PLCL1: variants seen among roughly 807,000 people sequenced by gnomAD.
The protein encoded by PLCL1 is inactive phospholipase C-like protein 1.
A neutral mutation model predicts 84.4 loss-of-function variants in PLCL1; 41 were observed. The observed-to-expected ratio is 0.49, with a 90% CI of 0.38 to 0.63. PLCL1 has a LOEUF of 0.63. PLCL1 is among the 30% of genes least tolerant of loss of function. PLCL1 has a pLI of 0.00. For synonymous variants in PLCL1, 490 were observed against 488.3 expected, an observed-to-expected ratio of 1.00 and a Z score of -0.05; for missense variants, 1,206 against 1,367.8, an observed-to-expected ratio of 0.88 and a Z score of 1.87.
At chr2:198,113,133 A>C (rs1574321656) in intron 5 of PLCL1, among the ~76,000 whole-genome samples, 1 of 151,942 alleles carries the variant, frequency 6.6e-6, no homozygotes, top group Admixed American at 6.6e-5. Context: ...TCCTAGACAC[A>C]TTTGTAGAAT....
rs555884150 is a variant in PLCL1, at chr2:198,144,694, C to T, written c.3106-2086C>T. Among the ~76,000 whole-genome samples, 482 of 152,304 alleles carry T rather than the reference C, an allele frequency of 3.2e-3. 2 individuals carry two copies. The highest frequency in any genetic ancestry group is 3.6e-3 in the Admixed American group (55 of 15,300). On this transcript the variant is annotated intron_variant, in intron 5 of 5. Coordinates refer to ENST00000428675, the MANE Select transcript of PLCL1 (RefSeq NM_006226.4). ...AATTGGTTGAAGATGCTCCAACCCT[C>T]GTCCCTGCTAGTGTGTTCTTGCTCT... is the stretch of plus-strand genomic sequence containing the variant.
intron 1 of PLCL1, among the ~76,000 whole-genome samples, chr2:197,915,473 G>A (rs1364712010): frequency 1.3e-5 from 2 of 151,548 alleles, no homozygotes; most frequent in Admixed American, 6.6e-5. Context: ...GATAAAAGGA[G>A]GGTTTTTTTT....
chr2:198,090,376 T>C (rs1189562028), intron 3 of PLCL1, among the ~76,000 whole-genome samples: 1 of 151,372 alleles, frequency 6.6e-6, no homozygotes, highest in South Asian at 2.1e-4. Context: ...TATTTTCTTA[T>C]TTATGCTTTT....
intron 1 of PLCL1, among the ~76,000 whole-genome samples, chr2:197,977,968 A>G (rs543467061): frequency 6.6e-6 from 1 of 152,094 alleles, no homozygotes; most frequent in Non-Finnish European, 1.5e-5. Context: ...TTAAGGTCTA[A>G]CTCCGGTGGC....
intron 3 of PLCL1, among the ~76,000 whole-genome samples, chr2:198,094,071 T>G (rs1246593935): frequency 6.6e-6 from 1 of 152,160 alleles, no homozygotes; most frequent in Non-Finnish European, 1.5e-5. Flanking sequence ...TCTCTCTCTT[T>G]TTGTTTTGGA....
intron 1 of PLCL1, among the ~76,000 whole-genome samples, chr2:197,985,955 T>C (rs1309617681): frequency 6.6e-6 from 1 of 152,188 alleles, no homozygotes; most frequent in East Asian, 1.9e-4. Context: ...AGTGGTGAGA[T>C]CCTCTGGAAT....
At chr2:198,067,012 A>G (rs1452400201) in intron 1 of PLCL1, among the ~76,000 whole-genome samples, 1 of 152,120 alleles carries the variant, frequency 6.6e-6, no homozygotes, top group Non-Finnish European at 1.5e-5. Context: ...TATGCACTAT[A>G]TATCCAGCTC....
intron 1 of PLCL1, among the ~76,000 whole-genome samples, chr2:197,979,385 T>C (rs1574980644): frequency 6.6e-6 from 1 of 152,208 alleles, no homozygotes; most frequent in East Asian, 1.9e-4. Flanking sequence ...CAGTTGTTGC[T>C]AACGTAGTTC....
At chr2:197,963,043 A>G (rs975914568) in intron 1 of PLCL1, among the ~76,000 whole-genome samples, 6 of 152,044 alleles carry the variant, frequency 3.9e-5, no homozygotes, top group Non-Finnish European at 7.4e-5. Context: ...ACATGGGAGT[A>G]CAGATATCTC....
intron 1 of PLCL1, among the ~76,000 whole-genome samples, chr2:197,984,781 T>A (rs1236621696): frequency 1.3e-5 from 2 of 152,230 alleles, no homozygotes; most frequent in Non-Finnish European, 2.9e-5. Flanking sequence ...GGCCTGTTAT[T>A]ACTTCGTTGG....
intron 5 of PLCL1, among the ~76,000 whole-genome samples, chr2:198,139,008 A>T (rs1309383073): frequency 1.3e-5 from 2 of 152,098 alleles, no homozygotes; most frequent in Non-Finnish European, 2.9e-5. Flanking sequence ...ATACAAAATC[A>T]ACTGGGTCTG....
chr2:197,845,780 C>T (rs1271212488), intron 1 of PLCL1, among the ~76,000 whole-genome samples: 1 of 152,026 alleles, frequency 6.6e-6, no homozygotes, highest in African/African-American at 2.4e-5. Flanking sequence ...AAGGATTCCC[C>T]CCAAATGTAA....
chr2:197,825,845 C>T lies in PLCL1; in HGVS notation c.240+20506C>T, dbSNP rs143137955. On this transcript the variant is annotated intron_variant, in intron 1 of 5. Transcript: ENST00000428675. ...AATGGGAATTTTAATGCCTATCCCACAAGTTTGCCATAAGGCTTGCAGGTG... is the reference window on the plus strand; with the variant it reads ...AATGGGAATTTTAATGCCTATCCCATAAGTTTGCCATAAGGCTTGCAGGTG... 2.0e-3 allele frequency among the ~76,000 whole-genome samples: 308 copies of T among 152,326 alleles called. 2 individuals carry two copies. Among genetic ancestry groups the T allele is most frequent in the African/African-American group, 7.1e-3 (297 of 41,576 alleles).
At chr2:197,817,628 G>C (rs1398563018) in intron 1 of PLCL1, among the ~76,000 whole-genome samples, 2 of 152,050 alleles carry the variant, frequency 1.3e-5, no homozygotes, top group African/African-American at 2.4e-5. Flanking sequence ...TGGGAAGATG[G>C]TCTTTATCCA....
intron 1 of PLCL1, among the ~76,000 whole-genome samples, chr2:197,964,328 C>A (rs1689685194): frequency 6.6e-6 from 1 of 151,726 alleles, no homozygotes; most frequent in African/African-American, 2.4e-5. Context: ...TTGGTTAATT[C>A]CTGGGTATTT....
rs149661021 is a variant in PLCL1, at chr2:198,108,817, C to A, written c.3105+4881C>A. On this transcript the variant is annotated intron_variant, in intron 5 of 5. Coordinates refer to ENST00000428675, the MANE Select transcript of PLCL1 (RefSeq NM_006226.4). Reference sequence around the variant, plus strand: ...CAGTATAGGGACTTGTTTAGCGTATCTTTTGCATTTTTCCATACTTTTGCC... The same window carrying A: ...CAGTATAGGGACTTGTTTAGCGTATATTTTGCATTTTTCCATACTTTTGCC... Among the ~76,000 whole-genome samples the A allele has an allele frequency of 1.1e-3, 172 of 152,018 alleles. 1 individual carries two copies. In the Middle Eastern group the frequency reaches 0.017, roughly 15 times the overall value.
At chr2:197,976,336 T>C (rs1237522679) in intron 1 of PLCL1, among the ~76,000 whole-genome samples, 1 of 152,190 alleles carries the variant, frequency 6.6e-6, no homozygotes, top group Non-Finnish European at 1.5e-5. Flanking sequence ...GACTCTCTCT[T>C]TCTTCTATCA....
chr2:197,854,996 G>T (rs994204054), intron 1 of PLCL1, among the ~76,000 whole-genome samples: 4 of 152,194 alleles, frequency 2.6e-5, no homozygotes, highest in African/African-American at 9.7e-5. Flanking sequence ...AACTGAAATG[G>T]TCAGTCACTA....
chr2:198,143,175 CG>C (rs917618129), intron 5 of PLCL1, among the ~76,000 whole-genome samples: 3 of 151,902 alleles, frequency 2.0e-5, no homozygotes, highest in Non-Finnish European at 4.4e-5. Flanking sequence ...TGGTGGGTGT[CG>C]GGGGGTGGTT....
Sources: gnomAD v4.1 joint callset for allele counts (sites outside exome capture counted in the v4.1 genomes callset) on GRCh38, gnomAD v4.1.1 for gene constraint, MANE v1.5 for transcripts, NCBI Gene and HGNC (gene_info 2026-07-23, HGNC 2026-07-21) for gene names.